MGMT: variants seen among roughly 807,000 people sequenced by gnomAD.
The protein encoded by MGMT is O-6-methylguanine-DNA methyltransferase, also known as methylated-DNA--protein-cysteine methyltransferase.
In MGMT, 14 loss-of-function variants were observed where a neutral mutation model predicts 15.9. The observed-to-expected ratio is 0.88, with a 90% confidence interval of 0.58 to 1.37. MGMT has a LOEUF of 1.37. MGMT is among the 40% of genes most tolerant of loss of function. MGMT has a pLI of 0.00. For synonymous variants in MGMT, 130 were observed against 118.2 expected, an observed-to-expected ratio of 1.10 and a Z score of -0.65; for missense variants, 282 against 268.1, an observed-to-expected ratio of 1.05 and a Z score of -0.36.
chr10:129,759,468 T>C (rs1848846551), intron 4 of MGMT, 127 bp downstream of exon 4: 1 of 1,396,800 alleles, frequency 7.2e-7, no homozygotes, highest in African/African-American at 1.4e-5. Flanking sequence ...GGGCGATATC[T>C]GTGATGGGGA....
intron 2 of MGMT, among the ~76,000 whole-genome samples, chr10:129,597,288 C>T (rs552540579): frequency 1.3e-5 from 2 of 152,178 alleles, no homozygotes; most frequent in East Asian, 1.9e-4. Flanking sequence ...CTCAACCTCG[C>T]GTGAAATTGC....
chr10:129,708,189 A>G, intron 3 of MGMT, 146 bp downstream of exon 3: 1 of 1,142,412 alleles, frequency 8.8e-7, no homozygotes, highest in Non-Finnish European at 1.2e-6. Flanking sequence ...AGCTGGAGGG[A>G]CGGGGGTTCG....
At chr10:129,524,354 A>T (rs559521499) in intron 1 of MGMT, among the ~76,000 whole-genome samples, 1 of 152,210 alleles carries the variant, frequency 6.6e-6, no homozygotes, top group East Asian at 1.9e-4. Context: ...AATTAGCTGC[A>T]GGACGCACAG....
In MGMT at chr10:129,591,883, A is replaced by G. The variant is rs548809943; in HGVS notation, c.125+55506A>G. Among the ~76,000 whole-genome samples the G allele has an allele frequency of 2.2e-4, 33 of 152,354 alleles. No individual in the cohort carries two copies. The Middle Eastern group carries it at 0.01, about 47-fold the overall frequency. ...GAGGCAGAGATCACAGTGAGCCGAGATGGCGCCACTGCACTCCAGCCTGGG... is the reference window on the plus strand; with the variant it reads ...GAGGCAGAGATCACAGTGAGCCGAGGTGGCGCCACTGCACTCCAGCCTGGG... On this transcript the variant is annotated intron_variant, in intron 2 of 4. Coordinates refer to ENST00000651593, the MANE Select transcript of MGMT (RefSeq NM_002412.5).
intron 2 of MGMT, chr10:129,702,249 G>T (rs1344520375): frequency 6.6e-6 from 1 of 152,242 alleles, no homozygotes. Flanking sequence ...TTTTCTTAAA[G>T]AAATCCTTGA....
chr10:129,746,599 C>T (rs1297354743), intron 3 of MGMT, among the ~76,000 whole-genome samples: 1 of 152,122 alleles, frequency 6.6e-6, no homozygotes, highest in African/African-American at 2.4e-5. Context: ...TCCCTTTGCA[C>T]CTTTGTCAAT....
At chr10:129,570,193 A>T (rs1262760451) in intron 2 of MGMT, among the ~76,000 whole-genome samples, 1 of 152,272 alleles carries the variant, frequency 6.6e-6, no homozygotes, top group African/African-American at 2.4e-5. Flanking sequence ...CCAGAATCCA[A>T]GTAAGTGCAA....
rs1846361714 is a variant in MGMT, at chr10:129,566,935, C to T, written c.125+30558C>T. 6.6e-6 allele frequency among the ~76,000 whole-genome samples: 1 copy of T among 152,124 alleles called. No individual in the cohort carries two copies. The highest frequency in any genetic ancestry group is 1.5e-5 in the Non-Finnish European group (1 of 68,024). On this transcript the variant is annotated intron_variant, in intron 2 of 4. Transcript: ENST00000651593. The surrounding 1 kb of genome is among the most constrained non-coding windows in gnomAD (Gnocchi z 4.1). ...AATCCGTCATCAATGGAGATCAATA[C>T]CCAGGAGGTGCCATCTCTCTTGGCG...
chr10:129,597,972 T>C (rs1310696491), intron 2 of MGMT, among the ~76,000 whole-genome samples: 1 of 152,200 alleles, frequency 6.6e-6, no homozygotes, highest in Non-Finnish European at 1.5e-5. Flanking sequence ...GGGTAGAGGC[T>C]GCGCAGTGGC....
chr10:129,517,168 T>TG (rs1359988547), intron 1 of MGMT, among the ~76,000 whole-genome samples: 1 of 152,178 alleles, frequency 6.6e-6, no homozygotes, highest in Non-Finnish European at 1.5e-5. Flanking sequence ...GAGCTCCGCT[T>TG]GGGGGTTTCT....
At chr10:129,512,368 G>C (rs936113278) in intron 1 of MGMT, among the ~76,000 whole-genome samples, 3 of 152,006 alleles carry the variant, frequency 2.0e-5, no homozygotes, top group African/African-American at 7.2e-5. Flanking sequence ...TCTGTTACAC[G>C]TTAATTTAAA....
intron 3 of MGMT, among the ~76,000 whole-genome samples, chr10:129,757,502 C>G (rs530282014): frequency 6.6e-6 from 1 of 152,120 alleles, no homozygotes; most frequent in Non-Finnish European, 1.5e-5. Flanking sequence ...CTGTGTTCGC[C>G]GAGGAAGGCA....
chr10:129,520,551 C>T (rs754663985), intron 1 of MGMT, among the ~76,000 whole-genome samples: 4 of 84,790 alleles, frequency 4.7e-5, no homozygotes, highest in African/African-American at 1.5e-4. Context: ...GAGCCCCTAC[C>T]GTGCAGGTGC....
intron 2 of MGMT, among the ~76,000 whole-genome samples, chr10:129,631,364 T>G (rs1017027263): frequency 6.6e-6 from 1 of 152,196 alleles, no homozygotes; most frequent in Non-Finnish European, 1.5e-5. Context: ...GTTCAAATGA[T>G]GAGACAGAAG....
intron 2 of MGMT, among the ~76,000 whole-genome samples, chr10:129,696,302 G>A (rs1286720522): frequency 7.5e-6 from 1 of 132,902 alleles, no homozygotes; most frequent in Non-Finnish European, 1.6e-5. Flanking sequence ...ATCTCATCAT[G>A]AAGTCGATTG....
intron 2 of MGMT, among the ~76,000 whole-genome samples, chr10:129,542,281 T>A (rs1443869136): frequency 5.3e-5 from 8 of 152,122 alleles, no homozygotes; most frequent in Admixed American, 4.6e-4. Flanking sequence ...GCCGAGTCTG[T>A]GCTGCCAGTT....
At chr10:129,526,379 G>A in intron 1 of MGMT, among the ~76,000 whole-genome samples, 1 of 152,138 alleles carries the variant, frequency 6.6e-6, no homozygotes, top group South Asian at 2.1e-4. Flanking sequence ...GTGGGAGGTT[G>A]TGAGGCAGTC....
At chr10:129,580,667 C>T (rs916606920) in intron 2 of MGMT, among the ~76,000 whole-genome samples, 1 of 152,206 alleles carries the variant, frequency 6.6e-6, no homozygotes, top group Non-Finnish European at 1.5e-5. Context: ...GGATGCTGGA[C>T]AGACATCCTG....
intron 2 of MGMT, among the ~76,000 whole-genome samples, chr10:129,619,221 TTCTG>T (rs1235581946): frequency 1.3e-5 from 2 of 152,314 alleles, no homozygotes; most frequent in Non-Finnish European, 1.5e-5. Context: ...TTTATGTGGT[TTCTG>T]TCTTTTATTC....
Sources: gnomAD v4.1 joint callset for allele counts (sites outside exome capture counted in the v4.1 genomes callset) on GRCh38, gnomAD v4.1.1 for gene constraint, Gnocchi (gnomAD v3.1) non-coding constraint, MANE v1.5 for transcripts, NCBI Gene and HGNC (gene_info 2026-07-23, HGNC 2026-07-21) for gene names.